The following HIPK2 variants were observed in gnomAD, a reference collection of about 807,000 sequenced individuals.
The protein encoded by HIPK2 is homeodomain-interacting protein kinase 2.
Under a neutral mutation model 113.7 loss-of-function variants are expected in HIPK2, and 27 were observed. The ratio of observed to expected loss-of-function variants is 0.24; its 90% CI spans 0.17 to 0.33. The LOEUF is 0.33. Ranked by LOEUF, HIPK2 falls within the 10% of genes least tolerant of loss-of-function variation. HIPK2 has a pLI of 1.00. For missense variants in HIPK2, 1,257 were observed against 1,588.0 expected (o/e 0.79, Z 3.54); for synonymous variants, 631 against 642.2 (o/e 0.98, Z 0.26).
Position 139,631,633 on chromosome 7 carries a change from G to A in HIPK2, c.1196C>T (p.Pro399Leu), listed in dbSNP as rs1800621758. 1 of 1,613,888 alleles carries A rather than the reference G, an allele frequency of 6.2e-7. No homozygotes were observed. The highest frequency in any genetic ancestry group is 8.5e-7 in the Non-Finnish European group (1 of 1,179,864). The change falls in exon 3 of 15, where the codon CCG becomes CTG. Residue 399 changes from proline to leucine, a missense_variant. Pro to Leu is a moderately conservative substitution (Grantham distance 98, BLOSUM62 -3). This residue lies in a region of HIPK2 where 84 missense variants were observed against 182.2 expected (regional missense o/e 0.46). Transcript: ENST00000406875. This position sits in a 1 kb window ranked among gnomAD's most constrained non-coding sequence, Gnocchi z 4.9. ...ATACTCCGAAGCTCCTGGATATAAC[G>A]GCCAACCCAGGAACAATTCTGCAAT... ...CVIAELFLGWPLYPGASEYDQ... is the reference protein window; with the variant it reads ...CVIAELFLGWLLYPGASEYDQ...
At chr7:139,691,034 T>C (rs113708746) in intron 2 of HIPK2, among the ~76,000 whole-genome samples, 9 of 152,178 alleles carry the variant, frequency 5.9e-5, no homozygotes, top group African/African-American at 2.2e-4. Context: ...TCCAATGTAT[T>C]TGACATAAAA....
In HIPK2 at chr7:139,669,743, G is replaced by A. The variant is rs190166015; in HGVS notation, c.1104-38018C>T. Among the ~76,000 whole-genome samples the A allele has an allele frequency of 3.4e-4, 52 of 152,198 alleles. 1 individual carries two copies. The highest frequency in any genetic ancestry group is 5.4e-4 in the Non-Finnish European group (37 of 68,018). ...ACACACACACAAAAACTACAATTAC[G>A]CTAGGCTACATCAATTATCATGGAA... is the stretch of plus-strand genomic sequence containing the variant. On this transcript the variant is annotated intron_variant, in intron 2 of 14. Coordinates refer to ENST00000406875, the MANE Select transcript of HIPK2 (RefSeq NM_022740.5).
chr7:139,672,898 C>G (rs1460616530), intron 2 of HIPK2, among the ~76,000 whole-genome samples: 1 of 152,166 alleles, frequency 6.6e-6, no homozygotes, highest in Non-Finnish European at 1.5e-5. Context: ...TTTGCACTTT[C>G]ACTATTCTCA....
At chr7:139,604,325 T>C (rs554828093) in intron 9 of HIPK2, 102 bp from the exon 10 acceptor site, 1 of 1,491,944 alleles carries the variant, frequency 6.7e-7, no homozygotes, top group African/African-American at 1.4e-5. Flanking sequence ...CTAGACATTC[T>C]CATGGGTGTG....
At chr7:139,751,841 CA>C (rs778192811) in intron 1 of HIPK2, among the ~76,000 whole-genome samples, 1 of 152,028 alleles carries the variant, frequency 6.6e-6, no homozygotes, top group Non-Finnish European at 1.5e-5. Flanking sequence ...CTCTGAGAAA[CA>C]TGTTGAGAAA....
At position 139,683,873 on chromosome 7, in the gene HIPK2, T is replaced by C. The variant is rs1794134319; in HGVS notation, c.1103+32059A>G. On this transcript the variant is annotated intron_variant, in intron 2 of 14. Coordinates refer to ENST00000406875, the MANE Select transcript of HIPK2 (RefSeq NM_022740.5). The surrounding 1 kb of genome is among the most constrained non-coding windows in gnomAD (Gnocchi z 4.2). The stretch of plus-strand genomic sequence containing the variant: ...AAATAGTTTTAAACACTGAATGGGC[T>C]TGGAATTTGGGGAGGGGCATATATA... Among the ~76,000 whole-genome samples the C allele has an allele frequency of 6.6e-6, 1 of 152,176 alleles. No individual in the cohort carries two copies. Among genetic ancestry groups the C allele is most frequent in the Non-Finnish European group, 1.5e-5 (1 of 68,030 alleles).
chr7:139,619,056 C>T (rs2116827489), intron 7 of HIPK2, among the ~76,000 whole-genome samples: 1 of 152,254 alleles, frequency 6.6e-6, no homozygotes, highest in South Asian at 2.1e-4. Flanking sequence ...TGCAAACGGC[C>T]CCCAGAGGGC....
rs1800177959 is a variant in HIPK2, at chr7:139,619,922, A to G, written c.1782+479T>C. On this transcript the variant is annotated intron_variant, in intron 7 of 14. Coordinates refer to ENST00000406875, the MANE Select transcript of HIPK2 (RefSeq NM_022740.5). ...ACTATAGGCATGCACCACCATACCC[A>G]GCTAATTTTTTGTATTTTCTGTAGA... 2.6e-5 allele frequency among the ~76,000 whole-genome samples: 4 copies of G among 152,076 alleles called. No homozygotes were observed. In the South Asian group the frequency reaches 8.3e-4, roughly 32 times the overall value.
chr7:139,748,270 T>C lies in HIPK2; in HGVS notation c.19+29335A>G, dbSNP rs17161094. On this transcript the variant is annotated intron_variant, in intron 1 of 14. Coordinates refer to ENST00000406875, the MANE Select transcript of HIPK2 (RefSeq NM_022740.5). ...GACTCCCACGCTCCGATGGAAACTT[T>C]AACCAAAGCATAGGAGGGGCTCTAG... Among the ~76,000 whole-genome samples the C allele has an allele frequency of 7.8e-3, 1,184 of 152,294 alleles. 42 individuals carry two copies. Among genetic ancestry groups the C allele is most frequent in the Admixed American group, 0.066 (1,014 of 15,286 alleles).
intron 1 of HIPK2, among the ~76,000 whole-genome samples, chr7:139,730,298 T>C (rs564896327): frequency 8.0e-4 from 122 of 152,274 alleles, no homozygotes; most frequent in African/African-American, 2.7e-3. Context: ...GAATCAGAAC[T>C]GGAAATCTAC....
chr7:139,639,435 G>C (rs1800928157), intron 2 of HIPK2, among the ~76,000 whole-genome samples: 2 of 152,174 alleles, frequency 1.3e-5, no homozygotes, highest in Non-Finnish European at 1.5e-5. Flanking sequence ...CTCTGTGCCA[G>C]GTACTGTGCT....
In HIPK2 at chr7:139,572,763, T is replaced by TTCCCCCCCCCCCCCCCCCCCCCCCC; in HGVS notation, c.*163_*164insGGGGGGGGGGGGGGGGGGGGGGGGA. On this transcript the variant is annotated 3_prime_UTR_variant, in exon 15 of 15. Coordinates refer to ENST00000406875, the MANE Select transcript of HIPK2 (RefSeq NM_022740.5). The stretch of plus-strand genomic sequence containing the variant: ...TGTCCCGACCCGTCCCCCTGCCCTC[T>TTCCCCCCCCCCCCCCCCCCCCCCCC]GCCCCCCCCCCCCCCCCCGCCCCTG... 1 of 42,156 alleles carries TTCCCCCCCCCCCCCCCCCCCCCCCC rather than the reference T, an allele frequency of 2.4e-5. No homozygotes were observed. Among genetic ancestry groups the TTCCCCCCCCCCCCCCCCCCCCCCCC allele is most frequent in the African/African-American group, 3.6e-4 (1 of 2,792 alleles). The allele number at this position is 42,156 out of a possible 1,614,324, so 2.6% of individuals were successfully genotyped here.
chr7:139,719,622 T>C (rs1404951943), intron 1 of HIPK2, among the ~76,000 whole-genome samples: 1 of 152,192 alleles, frequency 6.6e-6, no homozygotes, highest in East Asian at 1.9e-4. Flanking sequence ...TATTTTTTCC[T>C]AAAAATCTAG....
intron 1 of HIPK2, among the ~76,000 whole-genome samples, chr7:139,760,269 G>C (rs1296502380): frequency 6.6e-6 from 1 of 152,124 alleles, no homozygotes; most frequent in African/African-American, 2.4e-5. Context: ...CTCCCAAAGT[G>C]CTGGGATTAC....
chr7:139,764,675 T>C (rs1796524036), intron 1 of HIPK2, among the ~76,000 whole-genome samples: 1 of 152,184 alleles, frequency 6.6e-6, no homozygotes, highest in South Asian at 2.1e-4. Context: ...GATACAACTT[T>C]AGGAGTCCCT....
intron 2 of HIPK2, among the ~76,000 whole-genome samples, chr7:139,640,681 G>C: frequency 6.6e-6 from 1 of 151,724 alleles, no homozygotes; most frequent in Non-Finnish European, 1.5e-5. Flanking sequence ...ACAGGGTCTC[G>C]CTCTGTTGTC....
intron 1 of HIPK2, among the ~76,000 whole-genome samples, chr7:139,721,097 C>G (rs781725411): frequency 1.1e-4 from 16 of 152,192 alleles, no homozygotes; most frequent in Non-Finnish European, 1.9e-4. Flanking sequence ...CCGGCCTGGC[C>G]TGGTGTGGCC....
chr7:139,665,201 T>C (rs965421143), intron 2 of HIPK2, among the ~76,000 whole-genome samples: 1 of 151,972 alleles, frequency 6.6e-6, no homozygotes, highest in Admixed American at 6.6e-5. Flanking sequence ...CTATGCCAGG[T>C]TGATTTTTGA....
intron 1 of HIPK2, among the ~76,000 whole-genome samples, chr7:139,751,811 C>T (rs956273390): frequency 3.3e-5 from 5 of 152,168 alleles, no homozygotes; most frequent in African/African-American, 9.7e-5. Context: ...CTTCCAGATT[C>T]TCCCAGGGAT....
Sources: allele counts gnomAD v4.1 joint callset (sites outside exome capture counted in the v4.1 genomes callset), GRCh38; gene constraint gnomAD v4.1.1; regional missense constraint gnomAD v4.1.1; non-coding constraint Gnocchi (gnomAD v3.1); transcripts MANE v1.5; gene names NCBI Gene and HGNC (gene_info 2026-07-23, HGNC 2026-07-21).